The following TTC6 variants were observed in gnomAD, a reference collection of about 807,000 sequenced individuals.
TTC6 encodes tetratricopeptide repeat domain 6, also known as tetratricopeptide repeat protein 6.
A neutral mutation model predicts 210.4 loss-of-function variants in TTC6; 172 were observed. The observed-to-expected ratio is 0.82, with a 90% CI of 0.72 to 0.93. The LOEUF (loss-of-function observed/expected upper bound fraction) is 0.93, where lower values mean the gene tolerates loss of function less well. Among genes scored for constraint, TTC6 ranks in the 40% least tolerant of loss-of-function variants. The pLI, the probability that TTC6 is intolerant of heterozygous loss-of-function variation, is 0.00. For missense variants in TTC6, 2,414 were observed against 2,318.1 expected, an observed-to-expected ratio of 1.04 and a Z score of -0.85; for synonymous variants, 804 against 819.6, an observed-to-expected ratio of 0.98 and a Z score of 0.32.
At chr14:37,831,042 T>G (rs2096183702) in intron 29 of TTC6, among the ~76,000 whole-genome samples, 1 of 152,124 alleles carries the variant, frequency 6.6e-6, no homozygotes, top group South Asian at 2.1e-4. Flanking sequence ...TATAACTGTA[T>G]TTTTGTTCCC....
In TTC6 at chr14:37,832,460, A is replaced by G. The variant is rs561217426; in HGVS notation, c.5298+5094A>G. Among the ~76,000 whole-genome samples, 11 of 150,918 alleles carry G rather than the reference A, an allele frequency of 7.3e-5. No homozygotes were observed. The South Asian group carries it at 1.5e-3, about 20-fold the overall frequency. On this transcript the variant is annotated intron_variant, in intron 29 of 30. Transcript: ENST00000553443. ...TTTTTTGATGTAGGCATTCAACTCTATAAATGTCCCTCTTAGGTTTGCTGC... is the reference window on the plus strand; with the variant it reads ...TTTTTTGATGTAGGCATTCAACTCTGTAAATGTCCCTCTTAGGTTTGCTGC...
chr14:37,836,337 C>A (rs79932065), intron 29 of TTC6, among the ~76,000 whole-genome samples: 1 of 152,086 alleles, frequency 6.6e-6, no homozygotes, highest in Non-Finnish European at 1.5e-5. Flanking sequence ...CTGGCTGGAT[C>A]CTAGAAATGT....
chr14:37,656,741 A>C (rs1048574935), intron 1 of TTC6, among the ~76,000 whole-genome samples: 6 of 152,100 alleles, frequency 3.9e-5, no homozygotes, highest in South Asian at 2.1e-4. Context: ...GAAAGGAGAG[A>C]CATCAAGGAT....
intron 5 of TTC6, among the ~76,000 whole-genome samples, chr14:37,705,130 T>C (rs918751353): frequency 6.6e-6 from 1 of 152,050 alleles, no homozygotes; most frequent in African/African-American, 2.4e-5. Context: ...GCACCCCTTA[T>C]AGACAGCTCC....
rs141698490 is a variant in TTC6, at chr14:37,695,603, T to A, written c.1258-1114T>A. ...CCCGACCTCAGGTGATCTGCCCGCC[T>A]TGGCCTCCCAAAGTGCTGGGATTAT... On this transcript the variant is annotated intron_variant, in intron 3 of 30. Transcript: ENST00000553443. Among the ~76,000 whole-genome samples the A allele has an allele frequency of 1.8e-3, 278 of 152,276 alleles. 1 individual carries two copies. Among genetic ancestry groups the A allele is most frequent in the African/African-American group, 6.4e-3 (266 of 41,562 alleles).
intron 5 of TTC6, 34 bp from the exon 8 acceptor site, chr14:37,714,621 A>C (rs1349424566): frequency 1.4e-5 from 22 of 1,519,964 alleles, no homozygotes; most frequent in Non-Finnish European, 1.8e-5. Context: ...TCAATTACTT[A>C]AAAAGCAAAC....
At chr14:37,644,037 A>T (rs1439651901) in intron 1 of TTC6, among the ~76,000 whole-genome samples, 2 of 152,194 alleles carry the variant, frequency 1.3e-5, no homozygotes, top group African/African-American at 4.8e-5. Context: ...TTACAATGGA[A>T]TCTTTGAAAA....
At chr14:37,680,308 C>CTTTAACAAGCTTTA in intron 2 of TTC6, 47 bp downstream of exon 4, 1 of 1,188,356 alleles carries the variant, frequency 8.4e-7, no homozygotes, top group South Asian at 1.4e-5. Context: ...AAAGTAACAG[C>CTTTAACAAGCTTTA]ATGCTTCCTG....
At chr14:37,765,611 A>AT (rs1312030294) in intron 14 of TTC6, among the ~76,000 whole-genome samples, 1 of 152,056 alleles carries the variant, frequency 6.6e-6, no homozygotes, top group African/African-American at 2.4e-5. Context: ...TGGCTTTTAA[A>AT]TTTACCTATT....
chr14:37,700,671 AGGCGGC>A (rs1379966399), intron 4 of TTC6, among the ~76,000 whole-genome samples: 2 of 128,406 alleles, frequency 1.6e-5, no homozygotes, highest in Non-Finnish European at 3.1e-5. Context: ...TGAACCTGGG[AGGCGGC>A]GGTTGCAGTG....
intron 9 of TTC6, 53 bp downstream of exon 11, chr14:37,737,787 G>A (rs1363540867): frequency 2.0e-6 from 2 of 996,174 alleles, no homozygotes; most frequent in African/African-American, 1.7e-5. Context: ...ATATTCCTAG[G>A]AATAATAATC....
At chr14:37,788,077 C>G (rs2096072027) in intron 15 of TTC6, among the ~76,000 whole-genome samples, 1 of 152,046 alleles carries the variant, frequency 6.6e-6, no homozygotes, top group Admixed American at 6.6e-5. Flanking sequence ...GCTCCATAGG[C>G]TCAGCCCAAG....
At chr14:37,777,039 C>A (rs560096700) in intron 14 of TTC6, among the ~76,000 whole-genome samples, 1 of 152,054 alleles carries the variant, frequency 6.6e-6, no homozygotes, top group Non-Finnish European at 1.5e-5. Context: ...TTTTTTCTGT[C>A]ATTTAGACCT....
At chr14:37,649,519 A>G (rs147468613) in intron 1 of TTC6, among the ~76,000 whole-genome samples, 19 of 152,236 alleles carry the variant, frequency 1.2e-4, no homozygotes, top group African/African-American at 4.6e-4. Context: ...ACTGAAACTC[A>G]TTTTGTTTTC....
chr14:37,840,613 A>G (rs916770710), intron 29 of TTC6, among the ~76,000 whole-genome samples: 5 of 152,198 alleles, frequency 3.3e-5, no homozygotes, highest in African/African-American at 2.4e-5. Context: ...AATACTGGCA[A>G]ACTGAATCCA....
intron 14 of TTC6, among the ~76,000 whole-genome samples, chr14:37,767,454 A>G (rs2139148886): frequency 6.6e-6 from 1 of 152,294 alleles, no homozygotes; most frequent in South Asian, 2.1e-4. Context: ...TATCCTCTCC[A>G]GCACCTGTTG....
intron 14 of TTC6, among the ~76,000 whole-genome samples, chr14:37,775,517 T>A (rs928560096): frequency 2.0e-5 from 3 of 152,230 alleles, no homozygotes; most frequent in African/African-American, 7.2e-5. Flanking sequence ...GTTCTTAAAT[T>A]TCCATGTAAT....
chr14:37,760,017 C>T (rs1042465156), intron 14 of TTC6, among the ~76,000 whole-genome samples: 1 of 152,222 alleles, frequency 6.6e-6, no homozygotes. Context: ...TCGTCAATCT[C>T]ATTCTCTATC....
At chr14:37,743,346 G>A (rs71407733) in intron 10 of TTC6, among the ~76,000 whole-genome samples, 5 of 151,954 alleles carry the variant, frequency 3.3e-5, no homozygotes, top group African/African-American at 9.7e-5. Flanking sequence ...GTTCATCCAC[G>A]GTCTGCATTT....
Sources: allele counts gnomAD v4.1 joint callset (sites outside exome capture counted in the v4.1 genomes callset), GRCh38; gene constraint gnomAD v4.1.1; transcripts MANE v1.5; gene names NCBI Gene and HGNC (gene_info 2026-07-23, HGNC 2026-07-21).